Variants in SLC9A3 observed in about 807,000 individuals in gnomAD.
SLC9A3 encodes sodium/hydrogen exchanger 3.
In SLC9A3, 37 loss-of-function variants were observed where a neutral mutation model predicts 86.8. The ratio of observed to expected loss-of-function variants is 0.43; its 90% CI spans 0.33 to 0.56. The LOEUF (loss-of-function observed/expected upper bound fraction) is 0.56. Among genes scored for constraint, SLC9A3 ranks in the 20% least tolerant of loss-of-function variants. SLC9A3 has a pLI of 0.06. For synonymous variants in SLC9A3, 581 were observed against 528.3 expected, an observed-to-expected ratio of 1.10 and a Z score of -1.37; for missense variants, 1,011 against 1,171.9, an observed-to-expected ratio of 0.86 and a Z score of 2.00.
intron 1 of SLC9A3, among the ~76,000 whole-genome samples, chr5:511,120 T>G (rs1262706146): frequency 6.6e-6 from 1 of 152,118 alleles, no homozygotes; most frequent in Non-Finnish European, 1.5e-5. Context: ...AGGAGAGCAC[T>G]TTGGTCCCAC....
Position 470,952 on chromosome 5 carries a change from C to T in SLC9A3, c.*2427G>A, listed in dbSNP as rs1738319933. The stretch of plus-strand genomic sequence containing the variant: ...TTTACCTTCTGTTTGACAGCAGTGA[C>T]AGGAACGTGGGGATCCCCACTCATG... On this transcript the variant is annotated 3_prime_UTR_variant, in exon 17 of 17. Transcript: ENST00000264938. The T allele has an allele frequency of 6.6e-6, 1 of 152,340 alleles. No homozygotes were observed. The highest frequency in any genetic ancestry group is 1.5e-5 in the Non-Finnish European group (1 of 68,040). 9.4% of individuals were successfully genotyped at this position (152,340 alleles called of 1,614,324 possible). A position where few individuals can be genotyped will look rare whatever the true frequency, so the allele number is the denominator to read the frequency against.
chr5:477,414 G>A lies in SLC9A3; in HGVS notation c.1678C>T (p.Arg560Cys), dbSNP rs1221750266. ...GERRGSLAFI[R>C]SPSTDNVVNV... Reference sequence around the variant, plus strand: ...ACCACGTTGTCGGTGCTGGGGGAGCGGATGAAGGCCAGGGACCCGCGGCGC... The same window carrying A: ...ACCACGTTGTCGGTGCTGGGGGAGCAGATGAAGGCCAGGGACCCGCGGCGC... Residue 560 changes from arginine (R) to cysteine (C), a missense_variant, in exon 11 of 17, where the codon CGC (arginine) becomes TGC (cysteine). Around this residue, in one of 3 missense-constraint regions of SLC9A3, gnomAD observed 565 missense variants for 790.0 expected, o/e 0.72. Transcript: ENST00000264938. The A allele has an allele frequency of 2.5e-6, 4 of 1,612,926 alleles. No individual in the cohort carries two copies. Among genetic ancestry groups the A allele is most frequent in the Non-Finnish European group, 3.4e-6 (4 of 1,179,760 alleles).
rs1739749323 is a variant in SLC9A3, at chr5:491,695, TC to T, written c.514+73del. On this transcript the variant is annotated intron_variant, in intron 2 of 16. Coordinates refer to ENST00000264938, the MANE Select transcript of SLC9A3 (RefSeq NM_004174.4). The surrounding 1 kb of genome is among the most constrained non-coding windows in gnomAD (Gnocchi z 9.2). The stretch of plus-strand genomic sequence containing the variant: ...GGCCAGGGTGCGGCACCCCGACCTT[TC>T]TGAGATGAGGCAGCGCCGCCCCTCC... 2 of 1,365,492 alleles carry T rather than the reference TC, an allele frequency of 1.5e-6. No homozygotes were observed. 84.6% of individuals were successfully genotyped at this position (1,365,492 alleles called of 1,614,324 possible).
intron 1 of SLC9A3, among the ~76,000 whole-genome samples, chr5:517,031 T>C (rs186197905): frequency 1.3e-5 from 2 of 152,246 alleles, no homozygotes; most frequent in Admixed American, 6.5e-5. Flanking sequence ...CATCCATCCA[T>C]TTGTCCATCC....
chr5:524,299 GC>G lies in SLC9A3; in HGVS notation c.23del (p.Gly8AlafsTer103), dbSNP rs1471507123. 12 of 1,286,506 alleles carry G rather than the reference GC, an allele frequency of 9.3e-6. No homozygotes were observed. Among genetic ancestry groups the G allele is most frequent in the Admixed American group, 3.9e-5 (1 of 25,688 alleles). The allele number at this position is 1,286,506 out of a possible 1,614,324, so 79.7% of individuals were successfully genotyped here. ...GCGCCAGCAGCAGCCCCCGGTCGGG[GC>G]CCCGGGCCCCGAGTCCCCACATTGC... MWGLGAR[G>X]PDRGLLLALA... On this transcript the variant is annotated frameshift_variant, in exon 1 of 17. Coordinates refer to ENST00000264938, the MANE Select transcript of SLC9A3 (RefSeq NM_004174.4). LOFTEE classifies it high-confidence loss of function.
intron 9 of SLC9A3, 196 bp from the exon 10 acceptor site, chr5:480,161 C>T (rs1739071197): frequency 1.4e-5 from 8 of 569,186 alleles, no homozygotes; most frequent in South Asian, 6.1e-5. Context: ...GGATGGAGGC[C>T]GTTAGACGCA....
intron 1 of SLC9A3, among the ~76,000 whole-genome samples, chr5:518,136 T>C (rs1184924181): frequency 6.6e-6 from 1 of 152,222 alleles, no homozygotes; most frequent in Non-Finnish European, 1.5e-5. Context: ...CATTGTGGCA[T>C]CAACCTGGTT....
intron 3 of SLC9A3, among the ~76,000 whole-genome samples, chr5:485,878 G>A (rs1215517401): frequency 6.6e-6 from 1 of 152,194 alleles, no homozygotes; most frequent in Non-Finnish European, 1.5e-5. Flanking sequence ...GAGGGTCCCG[G>A]GGTCTCTTGG....
At chr5:522,292 T>C (rs573185996) in intron 1 of SLC9A3, among the ~76,000 whole-genome samples, 7 of 152,296 alleles carry the variant, frequency 4.6e-5, no homozygotes, top group African/African-American at 1.7e-4. Flanking sequence ...CCTGAAGGCT[T>C]TTCCCTGTGA....
intron 2 of SLC9A3, among the ~76,000 whole-genome samples, chr5:490,193 C>T (rs541887598): frequency 2.0e-5 from 3 of 152,252 alleles, no homozygotes; most frequent in South Asian, 2.1e-4. Context: ...CAAGGCTGAG[C>T]GCAGGCCTCC....
rs1239846203 is a variant in SLC9A3, at chr5:477,450, G to A, written c.1648-6C>T. On this transcript the variant is annotated splice_region_variant and splice_polypyrimidine_tract_variant and intron_variant, in intron 10 of 16. Transcript: ENST00000264938. ...AGGGACCCGCGGCGCTCTCCCTGTG[G>A]TCAGGAAGCAGCCCGGTCAGTGGCC... is the stretch of plus-strand genomic sequence containing the variant. 2 of 1,605,978 alleles carry A rather than the reference G, an allele frequency of 1.2e-6. No individual in the cohort carries two copies. The highest frequency in any genetic ancestry group is 8.5e-7 in the Non-Finnish European group (1 of 1,174,704).
intron 1 of SLC9A3, among the ~76,000 whole-genome samples, chr5:522,842 C>T (rs903255094): frequency 7.2e-5 from 11 of 152,304 alleles, no homozygotes; most frequent in Non-Finnish European, 1.0e-4. Context: ...ACTGGGCGGC[C>T]GCAGAGCCCA....
Position 483,420 on chromosome 5 carries a change from G to A in SLC9A3, c.995C>T (p.Ala332Val). 1 of 1,584,600 alleles carries A rather than the reference G, an allele frequency of 6.3e-7. No individual in the cohort carries two copies. The highest frequency in any genetic ancestry group is 8.6e-7 in the Non-Finnish European group (1 of 1,165,746). ...YVKANISEQS[A>V]TTVRYTMKML... Reference sequence around the variant, plus strand: ...CTTCATGGTGTAGCGCACGGTGGTGGCCGACTGCTCCGAGATGTTGGCCTT... The same window carrying A: ...CTTCATGGTGTAGCGCACGGTGGTGACCGACTGCTCCGAGATGTTGGCCTT... Residue 332 changes from alanine to valine, a missense_variant, in exon 6 of 17, where the codon GCC (alanine) becomes GTC (valine). Ala to Val is a moderately conservative substitution (Grantham distance 64, BLOSUM62 0). Around this residue, in one of 3 missense-constraint regions of SLC9A3, gnomAD observed 565 missense variants for 790.0 expected, o/e 0.72. Transcript: ENST00000264938.
chr5:508,889 G>T (rs1388447676), intron 1 of SLC9A3, among the ~76,000 whole-genome samples: 1 of 151,268 alleles, frequency 6.6e-6, no homozygotes, highest in African/African-American at 2.4e-5. Flanking sequence ...CAGGAGAATC[G>T]CTTGAGCCCA....
chr5:476,406 C>T (rs1738738635), intron 12 of SLC9A3, 28 bp from the exon 13 acceptor site: 1 of 1,612,428 alleles, frequency 6.2e-7, no homozygotes, highest in Non-Finnish European at 8.5e-7. Context: ...GAGGTCACAG[C>T]TGTGCCCACC....
chr5:475,762 G>A (rs1738684342), intron 14 of SLC9A3, 91 bp from the exon 15 acceptor site: 2 of 789,914 alleles, frequency 2.5e-6, no homozygotes, highest in Admixed American at 2.2e-5. Context: ...TGTGCACAGA[G>A]GTGCAGGCAG....
intron 1 of SLC9A3, among the ~76,000 whole-genome samples, chr5:509,163 G>A (rs114252516): frequency 0.016 from 2,325 of 149,464 alleles, 58 homozygotes; most frequent in African/African-American, 0.054. Context: ...TAAAGAAAAT[G>A]TAGGGCCAGG....
chr5:477,921 C>T (rs751704131), intron 10 of SLC9A3: 50 of 155,026 alleles, frequency 3.2e-4, no homozygotes, highest in Non-Finnish European at 6.3e-4. Flanking sequence ...GAAGTGGGGC[C>T]GCCTATGTGT....
chr5:477,570 G>A lies in SLC9A3; in HGVS notation c.1648-126C>T, dbSNP rs1738833036. Reference sequence around the variant, plus strand: ...GAAAGCCTTGAGACCTGAGCCCCGGGTTCACGCCTCACAGCTGCAGAGGGA... The same window carrying A: ...GAAAGCCTTGAGACCTGAGCCCCGGATTCACGCCTCACAGCTGCAGAGGGA... On this transcript the variant is annotated intron_variant, in intron 10 of 16. Coordinates refer to ENST00000264938, the MANE Select transcript of SLC9A3 (RefSeq NM_004174.4). 9.9e-6 allele frequency: 6 copies of A among 608,666 alleles called. No homozygotes were observed. The East Asian group carries it at 1.5e-4, about 15-fold the overall frequency. 37.7% of individuals were successfully genotyped at this position (608,666 alleles called of 1,614,324 possible).
Sources: allele counts gnomAD v4.1 joint callset (sites outside exome capture counted in the v4.1 genomes callset), GRCh38; gene constraint gnomAD v4.1.1; regional missense constraint gnomAD v4.1.1; non-coding constraint Gnocchi (gnomAD v3.1); transcripts MANE v1.5; gene names NCBI Gene and HGNC (gene_info 2026-07-23, HGNC 2026-07-21).